QSER1: variants seen among roughly 807,000 people sequenced by gnomAD.
QSER1 encodes the protein glutamine and serine-rich protein 1.
QSER1 carries 49 observed loss-of-function variants against 158.5 expected under a neutral mutation model. That is an observed-to-expected ratio of 0.31 (90% CI 0.25 to 0.39). The LOEUF is 0.39. Ranked by LOEUF, QSER1 falls within the 10% of genes least tolerant of loss-of-function variation. The pLI, the probability that QSER1 is intolerant of heterozygous loss-of-function variation, is 1.00. For synonymous variants in QSER1, 650 were observed against 715.5 expected, an observed-to-expected ratio of 0.91 and a Z score of 1.46; for missense variants, 1,754 against 2,010.3, an observed-to-expected ratio of 0.87 and a Z score of 2.44.
intron 1 of QSER1, among the ~76,000 whole-genome samples, chr11:32,900,825 C>T (rs1383706096): frequency 6.6e-6 from 1 of 152,194 alleles, no homozygotes; most frequent in African/African-American, 2.4e-5. Flanking sequence ...CACATGTTAC[C>T]TTCTCAGAAA....
At position 32,927,166 on chromosome 11, in the gene QSER1, T is replaced by G. The variant is rs1173404445; in HGVS notation, c.219T>G (p.Tyr73Ter). 1 of 152,606 alleles carries G rather than the reference T, an allele frequency of 6.6e-6. No homozygotes were observed. Among genetic ancestry groups the G allele is most frequent in the Non-Finnish European group, 1.5e-5 (1 of 68,038 alleles). 9.5% of individuals were successfully genotyped at this position (152,606 alleles called of 1,614,324 possible). The part of the protein sequence containing the change: ...SSPSLKASLS[Y>*]EEGHPSHSET... ...TTTTAATGTCCTCTAGTTTAAGCTA[T>G]GAAGAAGGACATCCCTCACACTCTG... is the stretch of plus-strand genomic sequence containing the variant. The change falls in exon 2 of 13, where the codon TAT (tyrosine) becomes TAG (stop). Residue 73 changes from tyrosine (Y) to a stop codon, truncating the protein, a stop_gained. Transcript: ENST00000650167. LOFTEE classifies it high-confidence loss of function.
chr11:32,951,552 A>G (rs1852422575), intron 4 of QSER1, among the ~76,000 whole-genome samples: 1 of 152,196 alleles, frequency 6.6e-6, no homozygotes, highest in Admixed American at 6.5e-5. Context: ...GCGTCTTCTC[A>G]TCCATCAACA....
In QSER1 at chr11:32,935,077, A is replaced by T. The variant is rs1451805938; in HGVS notation, c.3819A>T (p.Glu1273Asp). 4.3e-6 allele frequency: 7 copies of T among 1,614,104 alleles called. No homozygotes were observed. In the South Asian group the frequency reaches 6.6e-5, roughly 15 times the overall value. The change falls in exon 4 of 13, where the codon GAA becomes GAT. Residue 1273 changes from glutamate (E) to aspartate (D), a missense_variant. This residue lies in a region of QSER1 where 1,707 missense variants were observed against 1,919.6 expected (regional missense o/e 0.89). Transcript: ENST00000650167. Reference sequence around the variant, plus strand: ...AAGAGGTGGAGGAAAAACAACCAGAAGTCAAAACAGGATTTATTGCTTCTT... The same window carrying T: ...AAGAGGTGGAGGAAAAACAACCAGATGTCAAAACAGGATTTATTGCTTCTT... ...KIKEVEEKQPEVKTGFIASFL... is the reference protein window; with the variant it reads ...KIKEVEEKQPDVKTGFIASFL...
At chr11:32,970,946 C>CTTGTTT (rs1852841886) in intron 10 of QSER1, among the ~76,000 whole-genome samples, 1 of 76,870 alleles carries the variant, frequency 1.3e-5, no homozygotes, top group Non-Finnish European at 2.2e-5. Flanking sequence ...AAGCAATTTG[C>CTTGTTT]TTTTTTTTTT....
At chr11:32,938,306 G>GT (rs1333974639) in intron 4 of QSER1, among the ~76,000 whole-genome samples, 1 of 152,158 alleles carries the variant, frequency 6.6e-6, no homozygotes, top group Non-Finnish European at 1.5e-5. Flanking sequence ...AATCATCTTT[G>GT]TATTTGCAAG....
At chr11:32,931,501 G>A (rs72901250) in intron 3 of QSER1, among the ~76,000 whole-genome samples, 1,521 of 151,816 alleles carry the variant, frequency 0.01, 12 homozygotes, top group Non-Finnish European at 0.017. Context: ...AGCTATGATC[G>A]CAAGACTGCA....
intron 1 of QSER1, among the ~76,000 whole-genome samples, chr11:32,922,476 C>G (rs1490708947): frequency 7.7e-6 from 1 of 130,264 alleles, no homozygotes; most frequent in Non-Finnish European, 1.6e-5. Flanking sequence ...ATTAGAATGG[C>G]TAATTTTTTT....
chr11:32,912,832 G>C (rs1851784856), intron 1 of QSER1, among the ~76,000 whole-genome samples: 1 of 152,088 alleles, frequency 6.6e-6, no homozygotes. Context: ...AGGATTGCTT[G>C]AGCCTGGAAG....
At chr11:32,974,080 A>G (rs1341093538) in intron 11 of QSER1, among the ~76,000 whole-genome samples, 1 of 152,134 alleles carries the variant, frequency 6.6e-6, no homozygotes, top group African/African-American at 2.4e-5. Flanking sequence ...ATAAATTGTT[A>G]TAACCTTTTC....
intron 3 of QSER1, among the ~76,000 whole-genome samples, chr11:32,930,636 C>T (rs755114886): frequency 6.6e-6 from 1 of 152,028 alleles, no homozygotes; most frequent in Admixed American, 6.6e-5. Flanking sequence ...CATATGTATC[C>T]ACCTTAATGT....
At position 32,935,412 on chromosome 11, in the gene QSER1, C is replaced by A. The variant is rs1363829696; in HGVS notation, c.4154C>A (p.Thr1385Asn). 1.1e-5 allele frequency: 16 copies of A among 1,519,110 alleles called. No homozygotes were observed. The highest frequency in any genetic ancestry group is 1.4e-5 in the African/African-American group (1 of 71,634). 94.1% of individuals were successfully genotyped at this position (1,519,110 alleles called of 1,614,324 possible). A position where few individuals can be genotyped will look rare whatever the true frequency, so the allele number is the denominator to read the frequency against. Residue 1385 changes from threonine to asparagine, a missense_variant, in exon 4 of 13, where the codon ACT (threonine) becomes AAT (asparagine). Transcript: ENST00000650167. ...ACTCCCTTAACTACTTTGGATGCTA[C>A]TTCTGATAAAAAGAAGAAAACAGGT... ...VSTPLTTLDATSDKKKKTEAL... is the reference protein window; with the variant it reads ...VSTPLTTLDANSDKKKKTEAL...
At chr11:32,954,775 C>T (rs1370634160) in intron 5 of QSER1, among the ~76,000 whole-genome samples, 1 of 152,126 alleles carries the variant, frequency 6.6e-6, no homozygotes, top group Non-Finnish European at 1.5e-5. Context: ...CCATCTTGGC[C>T]TCCCAAAGTG....
intron 1 of QSER1, among the ~76,000 whole-genome samples, chr11:32,909,035 C>T (rs552174298): frequency 3.3e-5 from 5 of 152,242 alleles, no homozygotes; most frequent in East Asian, 3.9e-4. Context: ...TGGTACACGC[C>T]TATGGTCCCA....
chr11:32,931,086 T>C (rs1852038819), intron 3 of QSER1, among the ~76,000 whole-genome samples: 3 of 152,184 alleles, frequency 2.0e-5, no homozygotes, highest in Admixed American at 2.0e-4. Flanking sequence ...TAGCTTTTTT[T>C]TTTCCATTTT....
intron 1 of QSER1, among the ~76,000 whole-genome samples, chr11:32,924,242 CT>C (rs55747182): frequency 0.76 from 116,233 of 151,956 alleles, 45,547 homozygotes; most frequent in East Asian, 0.99. Context: ...ATAATTCACA[CT>C]GAGCAAAAAT....
chr11:32,969,964 C>T (rs574789904), intron 10 of QSER1, among the ~76,000 whole-genome samples: 30 of 152,198 alleles, frequency 2.0e-4, no homozygotes, highest in African/African-American at 7.0e-4. Context: ...GGATTACAGG[C>T]GTGAGCCACT....
chr11:32,933,070 T>C lies in QSER1; in HGVS notation c.1812T>C (p.Tyr604=), dbSNP rs199865072. 11 of 1,613,660 alleles carry C rather than the reference T, an allele frequency of 6.8e-6. No individual in the cohort carries two copies. The highest frequency in any genetic ancestry group is 9.3e-6 in the Non-Finnish European group (11 of 1,180,018). Residue 604 remains tyrosine, a synonymous_variant, in exon 4 of 13, where the codon TAT becomes TAC. Transcript: ENST00000650167. The part of the protein sequence containing the change: ...SLTLTAPSLS[Y]SSASRAQNLP... Reference sequence around the variant, plus strand: ...CATTAACAGCCCCTTCTCTTTCTTATTCTTCTGCCTCTCGGGCTCAGAATT... The same window carrying C: ...CATTAACAGCCCCTTCTCTTTCTTACTCTTCTGCCTCTCGGGCTCAGAATT...
intron 1 of QSER1, among the ~76,000 whole-genome samples, chr11:32,898,112 C>A (rs1446819636): frequency 6.6e-6 from 1 of 152,182 alleles, no homozygotes; most frequent in East Asian, 1.9e-4. Flanking sequence ...AAACACAGAT[C>A]TACAAGTTTG....
intron 1 of QSER1, among the ~76,000 whole-genome samples, chr11:32,900,078 C>T (rs2133488856): frequency 6.6e-6 from 1 of 152,262 alleles, no homozygotes; most frequent in East Asian, 1.9e-4. Context: ...CTCAGCAAAT[C>T]CTGTTGGTTC....
Sources: gnomAD v4.1 joint callset for allele counts (sites outside exome capture counted in the v4.1 genomes callset) on GRCh38, gnomAD v4.1.1 for gene constraint, gnomAD v4.1.1 regional missense constraint, MANE v1.5 for transcripts, NCBI Gene and HGNC (gene_info 2026-07-23, HGNC 2026-07-21) for gene names.